ERBB4: variants seen among roughly 807,000 people sequenced by gnomAD.
The protein encoded by ERBB4 is receptor tyrosine-protein kinase erbB-4.
A neutral mutation model predicts 158.0 loss-of-function variants in ERBB4; 42 were observed. The observed-to-expected ratio is 0.27, with a 90% CI of 0.21 to 0.34. ERBB4 has a LOEUF of 0.34. Ranked by LOEUF, ERBB4 falls within the 10% of genes least tolerant of loss-of-function variation. ERBB4 has a pLI of 1.00. For synonymous variants in ERBB4, 583 were observed against 558.7 expected, an observed-to-expected ratio of 1.04 and a Z score of -0.61; for missense variants, 1,333 against 1,624.1, an observed-to-expected ratio of 0.82 and a Z score of 3.08.
At chr2:212,286,457 T>A (rs984199495) in intron 1 of ERBB4, among the ~76,000 whole-genome samples, 3 of 152,096 alleles carry the variant, frequency 2.0e-5, no homozygotes, top group Non-Finnish European at 4.4e-5. Flanking sequence ...CTCTGTGTTA[T>A]ATCTGGACAC....
intron 1 of ERBB4, among the ~76,000 whole-genome samples, chr2:212,288,929 A>C (rs1197222013): frequency 2.6e-5 from 4 of 152,118 alleles, no homozygotes; most frequent in African/African-American, 4.8e-5. Context: ...ATTAAAAGAA[A>C]GGGAGGAAAG....
rs1410071238 is a variant in ERBB4 at position 211,630,534 on chromosome 2, C to T, written c.2007G>A (p.Leu669=). The T allele has an allele frequency of 1.9e-6, 3 of 1,613,300 alleles. No individual in the cohort carries two copies. ...GGLFILVIVG[L]TFAVYVRRKS... is the part of the protein sequence containing the mutation. ...TCCTTCTAACATAAACAGCAAATGTCAGACCCACAATGACCAGAATGAAGA... is the reference window on the plus strand; with the variant it reads ...TCCTTCTAACATAAACAGCAAATGTTAGACCCACAATGACCAGAATGAAGA... The change falls in exon 17 of 28, where the codon CTG becomes CTA. Residue 669 remains leucine, a synonymous_variant. Coordinates refer to ENST00000342788, the MANE Select transcript of ERBB4 (RefSeq NM_005235.3).
chr2:211,736,332 T>A (rs2074600494), intron 5 of ERBB4, among the ~76,000 whole-genome samples: 1 of 152,222 alleles, frequency 6.6e-6, no homozygotes. Context: ...TGAGGAATAA[T>A]GCTGAGCCTA....
intron 20 of ERBB4, among the ~76,000 whole-genome samples, chr2:211,555,682 G>A (rs1574740098): frequency 6.6e-6 from 1 of 152,266 alleles, no homozygotes; most frequent in East Asian, 1.9e-4. Flanking sequence ...CATTCTTAAA[G>A]AAGAGAAATT....
chr2:212,384,224 T>G (rs1490843779), intron 1 of ERBB4, among the ~76,000 whole-genome samples: 1 of 151,626 alleles, frequency 6.6e-6, no homozygotes, highest in Non-Finnish European at 1.5e-5. Flanking sequence ...ATGAGAACAA[T>G]TTAAGGACAG....
At chr2:211,639,730 C>CT (rs1274880325) in intron 16 of ERBB4, among the ~76,000 whole-genome samples, 35 of 151,438 alleles carry the variant, frequency 2.3e-4, no homozygotes, top group African/African-American at 8.2e-4. Flanking sequence ...GGTTTGCAAA[C>CT]TTTTTTTTTG....
rs775040031 is a variant in ERBB4, at chr2:211,665,439, A to G, written c.1755T>C (p.Asp585=). 3.1e-6 allele frequency: 5 copies of G among 1,614,010 alleles called. No homozygotes were observed. The Admixed American group carries it at 8.3e-5, about 27-fold the overall frequency. The change falls in exon 15 of 28, where the codon GAT becomes GAC. Residue 585 remains aspartate (D), a synonymous_variant. Coordinates refer to ENST00000342788, the MANE Select transcript of ERBB4 (RefSeq NM_005235.3). ...GACATTTTTCCACACAGTTTGGGCC[A>G]TCTTTAAAATGAGAGCACTTTGTAC... ...DNCTKCSHFK[D]GPNCVEKCPD... is the part of the protein sequence containing the mutation.
intron 2 of ERBB4, among the ~76,000 whole-genome samples, chr2:211,994,116 C>A (rs1182111400): frequency 6.6e-6 from 1 of 151,968 alleles, no homozygotes. Context: ...ATATGTCTAT[C>A]TATCTACCTA....
chr2:211,830,174 T>C (rs1016963675), intron 3 of ERBB4, among the ~76,000 whole-genome samples: 1 of 152,232 alleles, frequency 6.6e-6, no homozygotes, highest in Non-Finnish European at 1.5e-5. Context: ...TGTTTACTTA[T>C]TGACTAGTCC....
intron 2 of ERBB4, among the ~76,000 whole-genome samples, chr2:211,995,646 T>C (rs2082183607): frequency 6.6e-6 from 1 of 152,186 alleles, no homozygotes; most frequent in African/African-American, 2.4e-5. Context: ...AATTATTCAA[T>C]GTGTCGTGCT....
intron 1 of ERBB4, among the ~76,000 whole-genome samples, chr2:212,400,898 CAAAATTAATTAATATTTGCAT>C (rs1167621992): frequency 6.6e-6 from 1 of 152,104 alleles, no homozygotes. Flanking sequence ...AAACTCTTCT[CAAAATTAATTAATATTTGCAT>C]GTATATAGTA....
intron 4 of ERBB4, among the ~76,000 whole-genome samples, chr2:211,775,295 T>C (rs1443084275): frequency 2.0e-5 from 3 of 152,182 alleles, no homozygotes; most frequent in Admixed American, 6.5e-5. Context: ...GGGACTTGGC[T>C]ATAGTTCTCT....
intron 2 of ERBB4, among the ~76,000 whole-genome samples, chr2:212,024,364 A>G (rs1212071113): frequency 6.6e-6 from 1 of 151,984 alleles, no homozygotes; most frequent in African/African-American, 2.4e-5. Context: ...TGTTATCTTT[A>G]TATTATCAGA....
chr2:212,258,127 TAC>T (rs1300478904), intron 1 of ERBB4, among the ~76,000 whole-genome samples: 66 of 152,226 alleles, frequency 4.3e-4, no homozygotes, highest in African/African-American at 1.5e-3. Flanking sequence ...AAATTAAATA[TAC>T]AGTTATAATT....
intron 1 of ERBB4, among the ~76,000 whole-genome samples, chr2:212,357,135 T>C (rs1401241087): frequency 6.6e-6 from 1 of 151,924 alleles, no homozygotes; most frequent in Non-Finnish European, 1.5e-5. Context: ...CATATGTCTC[T>C]CAGCTTTTGC....
intron 1 of ERBB4, among the ~76,000 whole-genome samples, chr2:212,225,473 C>T (rs1000141471): frequency 6.6e-6 from 1 of 151,184 alleles, no homozygotes; most frequent in African/African-American, 2.4e-5. Flanking sequence ...TGAAATGCCT[C>T]ATTTTCTGTC....
chr2:211,788,487 C>T (rs907151077), intron 3 of ERBB4, among the ~76,000 whole-genome samples: 2 of 151,906 alleles, frequency 1.3e-5, no homozygotes, highest in African/African-American at 2.4e-5. Flanking sequence ...TATTTTATAA[C>T]CTGCTTGTTT....
At chr2:212,082,799 C>T (rs2078485896) in intron 2 of ERBB4, among the ~76,000 whole-genome samples, 1 of 152,000 alleles carries the variant, frequency 6.6e-6, no homozygotes, top group Admixed American at 6.6e-5. Flanking sequence ...ACATTACATG[C>T]ATGCATGCAT....
chr2:211,378,190 T>TTTGA lies in ERBB4; in HGVS notation c.*5421_*5424dup, dbSNP rs1422125295. On this transcript the variant is annotated 3_prime_UTR_variant, in exon 28 of 28. Coordinates refer to ENST00000342788, the MANE Select transcript of ERBB4 (RefSeq NM_005235.3). ...AAGGTCAGAGAGAAATACATTTTTCTTTGATTCCTAACAAGGTAATCACTT... is the reference window on the plus strand; with the variant it reads ...AAGGTCAGAGAGAAATACATTTTTCTTTGATTGATTCCTAACAAGGTAATCACTT... 2.6e-5 allele frequency: 6 copies of TTTGA among 233,012 alleles called. No individual in the cohort carries two copies. Among genetic ancestry groups the TTTGA allele is most frequent in the African/African-American group, 1.3e-4 (6 of 45,322 alleles). The allele number at this position is 233,012 out of a possible 1,614,324, so 14.4% of individuals were successfully genotyped here.
Sources: gnomAD v4.1 joint callset for allele counts (sites outside exome capture counted in the v4.1 genomes callset) on GRCh38, gnomAD v4.1.1 for gene constraint, MANE v1.5 for transcripts, NCBI Gene and HGNC (gene_info 2026-07-23, HGNC 2026-07-21) for gene names.